The following RRBP1 variants were observed in gnomAD, a reference collection of about 807,000 sequenced individuals.
The protein encoded by RRBP1 is ribosome binding protein 1.
Under a neutral mutation model 165.2 loss-of-function variants are expected in RRBP1, and 94 were observed. The ratio of observed to expected loss-of-function variants is 0.57; its 90% confidence interval spans 0.48 to 0.68. RRBP1 has a LOEUF of 0.68. Among genes scored for constraint, RRBP1 ranks in the 30% least tolerant of loss-of-function variants. The pLI is 0.00. For synonymous variants in RRBP1, 680 were observed against 714.5 expected, an observed-to-expected ratio of 0.95 and a Z score of 0.77; for missense variants, 1,676 against 1,763.0, an observed-to-expected ratio of 0.95 and a Z score of 0.88.
intron 1 of RRBP1, among the ~76,000 whole-genome samples, chr20:17,681,430 G>A (rs1236014200): frequency 1.4e-5 from 2 of 145,470 alleles, no homozygotes; most frequent in African/African-American, 5.0e-5. Context: ...CCCGTCGGGG[G>A]CCGTCCCAGC....
intron 3 of RRBP1, among the ~76,000 whole-genome samples, chr20:17,649,334 C>T (rs527295480): frequency 2.6e-5 from 4 of 152,322 alleles, no homozygotes; most frequent in East Asian, 1.9e-4. Flanking sequence ...CTGCCCACAC[C>T]GGCCGCTCTG....
At chr20:17,650,237 C>T (rs919951905) in intron 3 of RRBP1, among the ~76,000 whole-genome samples, 1 of 152,160 alleles carries the variant, frequency 6.6e-6, no homozygotes, top group Non-Finnish European at 1.5e-5. Flanking sequence ...ACCCATAATC[C>T]TACCTCCCAA....
At chr20:17,667,791 C>A (rs905708874) in intron 2 of RRBP1, among the ~76,000 whole-genome samples, 1 of 152,184 alleles carries the variant, frequency 6.6e-6, no homozygotes. Context: ...TAGGGTCTTG[C>A]CAAAGTACAT....
Position 17,659,961 on chromosome 20 carries a change from G to A in RRBP1, c.547C>T (p.Pro183Ser). Residue 183 changes from proline to serine, a missense_variant, in exon 3 of 25, where the codon CCC (proline) becomes TCC (serine). Transcript: ENST00000377813. ...GTGTTGCCCTTGGCACCCACTGGGG[G>A]CACCACCACCATCGGCACCTCCTTG... The part of the protein sequence containing the change: ...APKEVPMVVV[P>S]PVGAKGNTPA... 6.2e-7 allele frequency: 1 copy of A among 1,602,386 alleles called. No individual in the cohort carries two copies. The highest frequency in any genetic ancestry group is 8.5e-7 in the Non-Finnish European group (1 of 1,173,946).
chr20:17,641,671 G>A (rs1428665390), intron 5 of RRBP1, 126 bp downstream of exon 5: 2 of 1,201,658 alleles, frequency 1.7e-6, no homozygotes, highest in Admixed American at 1.7e-5. Flanking sequence ...CTACTCAGCA[G>A]CCTGACAGCC....
intron 3 of RRBP1, among the ~76,000 whole-genome samples, chr20:17,657,428 C>A (rs2036664837): frequency 6.6e-6 from 1 of 152,212 alleles, no homozygotes; most frequent in Non-Finnish European, 1.5e-5. Context: ...GATAGGGAAG[C>A]CCAGCTAAAG....
intron 2 of RRBP1, among the ~76,000 whole-genome samples, chr20:17,662,695 A>T (rs2036788151): frequency 6.6e-6 from 1 of 152,122 alleles, no homozygotes; most frequent in Non-Finnish European, 1.5e-5. Flanking sequence ...GGTGTTAAAA[A>T]GGAAATCGCA....
chr20:17,620,544 G>T, intron 17 of RRBP1, 171 bp downstream of exon 17: 1 of 805,604 alleles, frequency 1.2e-6, no homozygotes, highest in Non-Finnish European at 2.1e-6. Context: ...CTAGGCGGGG[G>T]CCTCCTGGAG....
intron 2 of RRBP1, among the ~76,000 whole-genome samples, chr20:17,664,685 T>C (rs970599749): frequency 2.0e-5 from 3 of 152,208 alleles, no homozygotes; most frequent in African/African-American, 7.2e-5. Flanking sequence ...TTGGGTCCAA[T>C]TTGGCAGCTG....
chr20:17,650,375 G>T (rs2036533367), intron 3 of RRBP1, among the ~76,000 whole-genome samples: 5 of 152,158 alleles, frequency 3.3e-5, no homozygotes, highest in Admixed American at 6.5e-5. Flanking sequence ...TGACACAATG[G>T]TCTCTCTGGC....
At chr20:17,631,767 C>T (rs893182458) in intron 8 of RRBP1, among the ~76,000 whole-genome samples, 1 of 152,192 alleles carries the variant, frequency 6.6e-6, no homozygotes, top group African/African-American at 2.4e-5. Flanking sequence ...GCTCCAGGAC[C>T]GAAGGTCAGC....
intron 2 of RRBP1, among the ~76,000 whole-genome samples, chr20:17,661,557 A>G (rs944360533): frequency 2.6e-5 from 4 of 152,246 alleles, no homozygotes; most frequent in African/African-American, 4.8e-5. Flanking sequence ...AGCCCGGGCT[A>G]AGTTCGACTT....
At chr20:17,667,605 G>C (rs2036896295) in intron 2 of RRBP1, among the ~76,000 whole-genome samples, 1 of 152,252 alleles carries the variant, frequency 6.6e-6, no homozygotes, top group Middle Eastern at 3.4e-3. Context: ...TGCCTCCCCA[G>C]TGGTCAAACC....
intron 2 of RRBP1, among the ~76,000 whole-genome samples, chr20:17,663,324 T>C (rs1297610692): frequency 6.6e-6 from 1 of 152,184 alleles, no homozygotes; most frequent in Non-Finnish European, 1.5e-5. Context: ...TTACTCAACA[T>C]AGGCAAACAC....
At chr20:17,621,971 G>A (rs771750364) in intron 13 of RRBP1, 24 bp from the exon 14 acceptor site, 34 of 1,589,608 alleles carry the variant, frequency 2.1e-5, no homozygotes, top group Admixed American at 1.3e-4. Context: ...GGGGAAGAGC[G>A]GAAGGTGTTC....
chr20:17,681,741 G>A (rs959092497), intron 1 of RRBP1, among the ~76,000 whole-genome samples: 181 of 150,646 alleles, frequency 1.2e-3, no homozygotes, highest in African/African-American at 4.3e-3. Context: ...CGGTCGCCAC[G>A]TCGCGCCCGT....
intron 3 of RRBP1, among the ~76,000 whole-genome samples, chr20:17,647,830 G>T (rs2036491289): frequency 1.3e-5 from 2 of 152,218 alleles, no homozygotes; most frequent in Non-Finnish European, 2.9e-5. Context: ...CTGCCTCCGG[G>T]CCTGCACGGG....
chr20:17,675,109 C>T (rs2037052727), intron 2 of RRBP1, among the ~76,000 whole-genome samples: 1 of 152,244 alleles, frequency 6.6e-6, no homozygotes, highest in Non-Finnish European at 1.5e-5. Flanking sequence ...GAGCCAACAT[C>T]CACATCGTCT....
chr20:17,614,260 C>T (rs575906846), intron 24 of RRBP1, 40 bp from the exon 25 acceptor site: 101 of 1,605,162 alleles, frequency 6.3e-5, no homozygotes, highest in Non-Finnish European at 8.1e-5. Context: ...GGCTGGGCCA[C>T]GAGCCATGGC....
Sources: allele counts gnomAD v4.1 joint callset (sites outside exome capture counted in the v4.1 genomes callset), GRCh38; gene constraint gnomAD v4.1.1; transcripts MANE v1.5; gene names NCBI Gene and HGNC (gene_info 2026-07-23, HGNC 2026-07-21).